Variants in DLG2 observed in about 807,000 individuals in gnomAD.
DLG2 encodes discs large MAGUK scaffold protein 2.
A neutral mutation model predicts 132.5 loss-of-function variants in DLG2; 45 were observed. The observed-to-expected ratio is 0.34, with a 90% CI of 0.27 to 0.44. DLG2 has a LOEUF of 0.44. Among genes scored for constraint, DLG2 ranks in the 20% least tolerant of loss-of-function variants. DLG2 has a pLI of 1.00. For synonymous variants in DLG2, 424 were observed against 419.6 expected (o/e 1.01, Z -0.13); for missense variants, 1,045 against 1,196.9 (o/e 0.87, Z 1.87).
chr11:83,724,991 C>A, intron 18 of DLG2: 3 of 692,920 alleles, frequency 4.3e-6, no homozygotes, highest in Non-Finnish European at 7.9e-6. Context: ...TCCTGACGCT[C>A]TTGAGTGGTG....
At chr11:84,644,533 C>T (rs2099672149) in intron 6 of DLG2, among the ~76,000 whole-genome samples, 1 of 151,560 alleles carries the variant, frequency 6.6e-6, no homozygotes, top group African/African-American at 2.4e-5. Context: ...AGTGAAACCC[C>T]GTCTCTACTA....
At chr11:84,359,041 C>G (rs569417079) in intron 7 of DLG2, among the ~76,000 whole-genome samples, 1 of 151,844 alleles carries the variant, frequency 6.6e-6, no homozygotes, top group East Asian at 1.9e-4. Context: ...TATATAACAA[C>G]AGGCAGAAGA....
intron 7 of DLG2, among the ~76,000 whole-genome samples, chr11:84,287,546 T>C (rs1357406965): frequency 2.6e-5 from 4 of 152,144 alleles, no homozygotes; most frequent in African/African-American, 9.7e-5. Flanking sequence ...TCCCTGGGAA[T>C]CTGTTCTCCC....
chr11:85,456,585 C>A (rs1337114066), intron 3 of DLG2, among the ~76,000 whole-genome samples: 1 of 152,154 alleles, frequency 6.6e-6, no homozygotes, highest in African/African-American at 2.4e-5. Flanking sequence ...ATCTTTCAAG[C>A]CTTTCGACGT....
At chr11:84,343,612 G>C (rs2098525762) in intron 7 of DLG2, among the ~76,000 whole-genome samples, 1 of 152,084 alleles carries the variant, frequency 6.6e-6, no homozygotes, top group Non-Finnish European at 1.5e-5. Context: ...ACAGGGGATG[G>C]GCAGGAAATG....
chr11:85,193,478 C>T (rs1352732893), intron 4 of DLG2, among the ~76,000 whole-genome samples: 2 of 152,076 alleles, frequency 1.3e-5, no homozygotes, highest in African/African-American at 4.8e-5. Context: ...AGGGAATAGC[C>T]AGACTATTTT....
intron 7 of DLG2, among the ~76,000 whole-genome samples, chr11:84,463,557 T>G (rs541458139): frequency 3.3e-5 from 5 of 151,146 alleles, no homozygotes; most frequent in Non-Finnish European, 7.4e-5. Flanking sequence ...GAGGTAGTAT[T>G]GATGGACTAT....
At chr11:84,539,949 C>T (rs1317853004) in intron 6 of DLG2, among the ~76,000 whole-genome samples, 1 of 152,028 alleles carries the variant, frequency 6.6e-6, no homozygotes, top group African/African-American at 2.4e-5. Context: ...GAAAGGATGC[C>T]CTATTTAATA....
At chr11:83,833,585 G>A in intron 17 of DLG2, 29 bp downstream of exon 17, 1 of 1,590,392 alleles carries the variant, frequency 6.3e-7, no homozygotes. Flanking sequence ...CAGATATGGA[G>A]GGAATAAAGA....
intron 6 of DLG2, among the ~76,000 whole-genome samples, chr11:84,611,024 TACACACACACACACACACACAC>T (rs10587472): frequency 1.4e-5 from 2 of 138,116 alleles, no homozygotes; most frequent in African/African-American, 2.7e-5. Flanking sequence ...TTAGATGACA[TACACACACACACACACACACAC>T]ACACACACAC....
In DLG2 at chr11:84,670,348, A is replaced by G. The variant is rs922548160; in HGVS notation, c.358-135617T>C. Among the ~76,000 whole-genome samples, 5 of 152,154 alleles carry G rather than the reference A, an allele frequency of 3.3e-5. 1 individual carries two copies. Among genetic ancestry groups the G allele is most frequent in the East Asian group, 3.9e-4 (2 of 5,176 alleles). On this transcript the variant is annotated intron_variant, in intron 6 of 27. Transcript: ENST00000376104. Reference sequence around the variant, plus strand: ...AAGTGGGCATTCAAACTATTTTTTCATATTTAAAGCAACAAAGCACTCTAG... The same window carrying G: ...AAGTGGGCATTCAAACTATTTTTTCGTATTTAAAGCAACAAAGCACTCTAG...
chr11:85,040,497 C>T (rs1454536405), intron 6 of DLG2, among the ~76,000 whole-genome samples: 1 of 151,864 alleles, frequency 6.6e-6, no homozygotes, highest in African/African-American at 2.4e-5. Flanking sequence ...CAGCCAGTGA[C>T]CAGAGAGTGA....
At chr11:85,286,571 A>G (rs1222876621) in intron 3 of DLG2, among the ~76,000 whole-genome samples, 1 of 152,136 alleles carries the variant, frequency 6.6e-6, no homozygotes, top group East Asian at 1.9e-4. Flanking sequence ...ATATTATATT[A>G]GCAATGAGGG....
intron 4 of DLG2, among the ~76,000 whole-genome samples, chr11:85,170,806 C>A (rs188950635): frequency 1.3e-5 from 2 of 152,118 alleles, no homozygotes; most frequent in Non-Finnish European, 2.9e-5. Context: ...GAGAGAGAGA[C>A]TTGCTGGGGA....
intron 6 of DLG2, among the ~76,000 whole-genome samples, chr11:85,097,835 G>T (rs1311121455): frequency 1.3e-5 from 2 of 152,196 alleles, no homozygotes; most frequent in Non-Finnish European, 1.5e-5. Context: ...TTTGGAGGAG[G>T]AAAGTGGTGA....
In DLG2 at chr11:84,735,189, A is replaced by T. The variant is rs190879228; in HGVS notation, c.358-200458T>A. 2.6e-5 allele frequency among the ~76,000 whole-genome samples: 4 copies of T among 152,098 alleles called. No individual in the cohort carries two copies. The South Asian group carries it at 6.2e-4, about 24-fold the overall frequency. ...GGGAAGATTCCTTCTTTTTCTATTG[A>T]TTGGAATAGTTTCAGAAGGAATGGT... is the stretch of plus-strand genomic sequence containing the variant. On this transcript the variant is annotated intron_variant, in intron 6 of 27. Transcript: ENST00000376104.
intron 14 of DLG2, among the ~76,000 whole-genome samples, chr11:83,945,211 G>A (rs537930911): frequency 6.6e-6 from 1 of 152,316 alleles, no homozygotes; most frequent in East Asian, 1.9e-4. Context: ...GGGAGGCAGA[G>A]ATTGTAGTGA....
intron 4 of DLG2, among the ~76,000 whole-genome samples, chr11:85,172,424 C>T (rs2078940934): frequency 6.6e-6 from 1 of 152,182 alleles, no homozygotes; most frequent in Admixed American, 6.5e-5. Context: ...ACAACAACAA[C>T]ATCAACAAGA....
chr11:85,101,878 C>T (rs2070903005), intron 6 of DLG2, among the ~76,000 whole-genome samples: 1 of 152,018 alleles, frequency 6.6e-6, no homozygotes. Flanking sequence ...GTAGGTCATG[C>T]TGAATTTCTA....
Sources: gnomAD v4.1 joint callset for allele counts (sites outside exome capture counted in the v4.1 genomes callset) on GRCh38, gnomAD v4.1.1 for gene constraint, MANE v1.5 for transcripts, NCBI Gene and HGNC (gene_info 2026-07-23, HGNC 2026-07-21) for gene names.